NCAM2: variants seen among roughly 807,000 people sequenced by gnomAD.
NCAM2 encodes the protein neural cell adhesion molecule 2, also known as N-CAM-2.
NCAM2 carries 30 observed loss-of-function variants against 98.1 expected under a neutral mutation model. The observed-to-expected ratio is 0.31, with a 90% CI of 0.23 to 0.41. NCAM2 has a LOEUF of 0.41. NCAM2 is among the 10% of genes least tolerant of loss of function. The probability of loss-of-function intolerance (pLI) is 1.00; values close to 1 mark genes in which losing one functional copy is unlikely to be tolerated. For missense variants in NCAM2, 867 were observed against 1,005.8 expected (o/e 0.86, Z 1.87); for synonymous variants, 368 against 342.4 (o/e 1.07, Z -0.83).
At chr21:21,151,469 T>C (rs1293322023) in intron 1 of NCAM2, among the ~76,000 whole-genome samples, 2 of 152,058 alleles carry the variant, frequency 1.3e-5, no homozygotes. Context: ...TCTTCTAAAT[T>C]CTGACCTAGT....
chr21:21,368,892 A>G (rs1006461228), intron 8 of NCAM2, among the ~76,000 whole-genome samples: 2 of 151,816 alleles, frequency 1.3e-5, no homozygotes, highest in Non-Finnish European at 2.9e-5. Flanking sequence ...CCTCTGCCTA[A>G]AACCTATCCT....
At chr21:21,115,006 A>G (rs1416330634) in intron 1 of NCAM2, among the ~76,000 whole-genome samples, 1 of 151,972 alleles carries the variant, frequency 6.6e-6, no homozygotes, top group African/African-American at 2.4e-5. Context: ...TTTTTAGTAG[A>G]GACGGGGTTT....
chr21:21,060,697 A>G (rs2065303008), intron 1 of NCAM2, among the ~76,000 whole-genome samples: 1 of 152,148 alleles, frequency 6.6e-6, no homozygotes, highest in African/African-American at 2.4e-5. Context: ...GGATGTGAGT[A>G]GCATAGACAC....
chr21:21,423,824 T>C (rs1446624216), intron 11 of NCAM2, among the ~76,000 whole-genome samples: 4 of 152,288 alleles, frequency 2.6e-5, no homozygotes, highest in East Asian at 3.9e-4. Context: ...TACAATATCA[T>C]GAAGCACTCA....
At chr21:21,206,542 C>T (rs1049927255) in intron 1 of NCAM2, among the ~76,000 whole-genome samples, 56 of 152,170 alleles carry the variant, frequency 3.7e-4, no homozygotes, top group African/African-American at 1.3e-3. Context: ...AATGGCATCA[C>T]GAACACCACC....
At chr21:21,023,825 A>G (rs1047849040) in intron 1 of NCAM2, among the ~76,000 whole-genome samples, 5 of 152,152 alleles carry the variant, frequency 3.3e-5, no homozygotes, top group Non-Finnish European at 7.3e-5. Flanking sequence ...ATATTTAGAT[A>G]TGTCATTCAT....
chr21:21,528,759 C>A (rs140863674), intron 16 of NCAM2, among the ~76,000 whole-genome samples: 34 of 152,194 alleles, frequency 2.2e-4, no homozygotes, highest in African/African-American at 7.5e-4. Context: ...TACTCCATGA[C>A]AACCACACAT....
chr21:21,391,703 G>T (rs2076383923), intron 9 of NCAM2, among the ~76,000 whole-genome samples: 1 of 152,166 alleles, frequency 6.6e-6, no homozygotes, highest in Non-Finnish European at 1.5e-5. Context: ...TTGGAATGAA[G>T]ATGAAGGCTT....
At chr21:21,002,648 C>G (rs997038314) in intron 1 of NCAM2, among the ~76,000 whole-genome samples, 2 of 152,110 alleles carry the variant, frequency 1.3e-5, no homozygotes, top group African/African-American at 4.8e-5. Context: ...TCAGGGTCAT[C>G]TCTCACAGCA....
intron 5 of NCAM2, among the ~76,000 whole-genome samples, chr21:21,303,863 TA>T (rs1411617121): frequency 1.3e-5 from 2 of 152,166 alleles, no homozygotes; most frequent in African/African-American, 4.8e-5. Context: ...TGCATTTCCC[TA>T]ATGCCTCAGG....
At chr21:21,333,297 A>G (rs2074766191) in intron 6 of NCAM2, among the ~76,000 whole-genome samples, 2 of 152,202 alleles carry the variant, frequency 1.3e-5, no homozygotes, top group South Asian at 4.1e-4. Context: ...TTCTCTAAAT[A>G]TGTTCAAGTT....
chr21:21,471,446 C>T (rs1265970908), intron 14 of NCAM2, among the ~76,000 whole-genome samples: 3 of 151,932 alleles, frequency 2.0e-5, no homozygotes, highest in African/African-American at 7.2e-5. Context: ...ACCACATGAA[C>T]TCCACAGTGG....
chr21:21,492,926 T>C (rs1377856024), intron 15 of NCAM2, among the ~76,000 whole-genome samples: 1 of 151,956 alleles, frequency 6.6e-6, no homozygotes, highest in African/African-American at 2.4e-5. Context: ...TAAATTTTAC[T>C]ATTGTTTCTA....
intron 14 of NCAM2, among the ~76,000 whole-genome samples, chr21:21,476,801 C>A (rs1480885571): frequency 6.6e-6 from 1 of 151,686 alleles, no homozygotes; most frequent in Non-Finnish European, 1.5e-5. Context: ...GTAAAAAATA[C>A]CAGTGATAAT....
intron 1 of NCAM2, among the ~76,000 whole-genome samples, chr21:21,102,749 A>G (rs2066271050): frequency 6.6e-6 from 1 of 151,876 alleles, no homozygotes; most frequent in Non-Finnish European, 1.5e-5. Flanking sequence ...TGAAAAAGCC[A>G]CTCTGTGAAT....
chr21:21,267,721 C>G (rs1470339631), intron 1 of NCAM2, among the ~76,000 whole-genome samples: 1 of 152,120 alleles, frequency 6.6e-6, no homozygotes, highest in African/African-American at 2.4e-5. Context: ...GGAAGAGTTA[C>G]TATTACAGCA....
intron 5 of NCAM2, among the ~76,000 whole-genome samples, chr21:21,305,000 C>T (rs570593001): frequency 1.3e-5 from 2 of 152,032 alleles, no homozygotes; most frequent in Non-Finnish European, 2.9e-5. Flanking sequence ...CTTATGGTTC[C>T]GTAGAATTCT....
intron 12 of NCAM2, among the ~76,000 whole-genome samples, chr21:21,440,722 GAGA>G (rs1979128868): frequency 1.4e-5 from 2 of 146,756 alleles, no homozygotes; most frequent in Non-Finnish European, 3.0e-5. Context: ...AGAAAAAACA[GAGA>G]AGGAGAGAAA....
intron 1 of NCAM2, among the ~76,000 whole-genome samples, chr21:21,183,492 G>C (rs2068543894): frequency 6.6e-6 from 1 of 152,144 alleles, no homozygotes; most frequent in South Asian, 2.1e-4. Flanking sequence ...AGCTAAATCA[G>C]CTTTGGGAGG....
Sources: allele counts gnomAD v4.1 joint callset (sites outside exome capture counted in the v4.1 genomes callset), GRCh38; gene constraint gnomAD v4.1.1; transcripts MANE v1.5; gene names NCBI Gene and HGNC (gene_info 2026-07-23, HGNC 2026-07-21).